The following USH2A variants were observed in gnomAD, a reference collection of about 807,000 sequenced individuals.
USH2A encodes the protein usherin, also known as Usher syndrome 2A (autosomal recessive, mild).
A neutral mutation model predicts 538.9 loss-of-function variants in USH2A; 443 were observed. That is an observed-to-expected ratio of 0.82 (90% CI 0.76 to 0.89). USH2A has a LOEUF of 0.89. Ranked by LOEUF, USH2A falls within the 40% of genes least tolerant of loss-of-function variation. The pLI, the probability that USH2A is intolerant of heterozygous loss-of-function variation, is 0.00. For synonymous variants in USH2A, 2,413 were observed against 2,273.5 expected, an observed-to-expected ratio of 1.06 and a Z score of -1.75; for missense variants, 6,633 against 6,324.8, an observed-to-expected ratio of 1.05 and a Z score of -1.65.
At chr1:216,029,429 TTAAC>T (rs573087735) in intron 32 of USH2A, among the ~76,000 whole-genome samples, 7 of 152,108 alleles carry the variant, frequency 4.6e-5, no homozygotes, top group Non-Finnish European at 7.4e-5. Flanking sequence ...CATAACTTGT[TTAAC>T]TAGTAGTCTA....
chr1:215,742,455 TATATC>T (rs1244744814), intron 59 of USH2A, among the ~76,000 whole-genome samples: 1 of 142,736 alleles, frequency 7.0e-6, no homozygotes, highest in Non-Finnish European at 1.5e-5. Context: ...GATATACACA[TATATC>T]ATGTTATATA....
intron 20 of USH2A, among the ~76,000 whole-genome samples, chr1:216,186,194 T>C (rs1488684945): frequency 3.3e-5 from 5 of 151,462 alleles, no homozygotes; most frequent in Non-Finnish European, 7.4e-5. Flanking sequence ...AGAATGAAAA[T>C]TGGGTAGAAG....
intron 69 of USH2A, 124 bp from the exon 70 acceptor site, chr1:215,634,827 G>C (rs2102630829): frequency 6.6e-7 from 1 of 1,522,352 alleles, no homozygotes; most frequent in Non-Finnish European, 9.0e-7. Context: ...GTCTCTTACT[G>C]CTTGTTTGCA....
intron 13 of USH2A, among the ~76,000 whole-genome samples, chr1:216,233,966 G>T (rs1454784206): frequency 2.0e-5 from 3 of 152,106 alleles, no homozygotes; most frequent in African/African-American, 4.8e-5. Context: ...TGAAACAATG[G>T]GGTAGAAGGA....
chr1:215,877,518 G>A (rs960689064), intron 43 of USH2A, among the ~76,000 whole-genome samples: 2 of 152,110 alleles, frequency 1.3e-5, no homozygotes, highest in African/African-American at 4.8e-5. Context: ...AATAGGTTAA[G>A]GCTTGAACAT....
At chr1:215,888,399 A>C in intron 41 of USH2A, 27 bp downstream of exon 41, 1 of 1,611,708 alleles carries the variant, frequency 6.2e-7, no homozygotes, top group Non-Finnish European at 8.5e-7. Flanking sequence ...TAAGTCTGCA[A>C]AGGAGAGAGA....
intron 38 of USH2A, among the ~76,000 whole-genome samples, chr1:215,922,321 G>C (rs1666120233): frequency 6.6e-6 from 1 of 152,110 alleles, no homozygotes. Context: ...TGGTGCCACA[G>C]GTAGAACTCA....
At chr1:215,686,216 G>C (rs4609401) in intron 61 of USH2A, among the ~76,000 whole-genome samples, 30,551 of 152,010 alleles carry the variant, frequency 0.2, 3,339 homozygotes, top group Non-Finnish European at 0.23. Flanking sequence ...TAATCTAATA[G>C]AGCAAATCAA....
intron 4 of USH2A, among the ~76,000 whole-genome samples, chr1:216,332,457 T>G (rs530302795): frequency 1.7e-3 from 254 of 152,224 alleles, no homozygotes; most frequent in African/African-American, 5.5e-3. Flanking sequence ...CCTGCGAATC[T>G]ACAAGATTAT....
At chr1:216,418,196 C>G (rs950564312) in intron 3 of USH2A, among the ~76,000 whole-genome samples, 2 of 151,848 alleles carry the variant, frequency 1.3e-5, no homozygotes, top group Non-Finnish European at 2.9e-5. Context: ...TCAAATGAGC[C>G]CTTACACATT....
intron 58 of USH2A, among the ~76,000 whole-genome samples, chr1:215,753,639 C>T (rs906616969): frequency 1.3e-5 from 2 of 151,332 alleles, no homozygotes; most frequent in Non-Finnish European, 2.9e-5. Context: ...GGAAGGGGAA[C>T]ATCACATACC....
At chr1:216,299,099 C>T (rs1464264609) in intron 9 of USH2A, among the ~76,000 whole-genome samples, 4 of 152,114 alleles carry the variant, frequency 2.6e-5, no homozygotes, top group Non-Finnish European at 5.9e-5. Context: ...GCCTCGGCCT[C>T]CCAAAGTGCT....
intron 32 of USH2A, among the ~76,000 whole-genome samples, chr1:216,036,805 T>A (rs557744748): frequency 0.014 from 2,061 of 152,226 alleles, 46 homozygotes; most frequent in African/African-American, 0.047. Context: ...CAATTGCCTG[T>A]AGATCAGAGG....
At chr1:216,167,785 C>T (rs924760419) in intron 21 of USH2A, among the ~76,000 whole-genome samples, 3 of 152,066 alleles carry the variant, frequency 2.0e-5, no homozygotes, top group Non-Finnish European at 2.9e-5. Context: ...TTGTCTTGGT[C>T]TCTTAATATG....
intron 3 of USH2A, among the ~76,000 whole-genome samples, chr1:216,374,495 T>A (rs1443649812): frequency 8.5e-5 from 13 of 152,200 alleles, no homozygotes; most frequent in Admixed American, 8.5e-4. Flanking sequence ...TGATGTTAAC[T>A]TTAATCATTT....
intron 32 of USH2A, among the ~76,000 whole-genome samples, chr1:216,020,561 T>C (rs149565386): frequency 6.6e-5 from 10 of 152,284 alleles, no homozygotes; most frequent in Middle Eastern, 3.4e-3. Context: ...TTCTGAGTGA[T>C]AAAGATGATA....
intron 54 of USH2A, among the ~76,000 whole-genome samples, chr1:215,780,530 C>T (rs1408203985): frequency 1.3e-5 from 2 of 152,232 alleles, no homozygotes; most frequent in Middle Eastern, 3.4e-3. Context: ...TCCCATGATA[C>T]CTAGGATGAC....
chr1:215,823,776 C>G (rs1268856845), intron 47 of USH2A, among the ~76,000 whole-genome samples: 1 of 151,806 alleles, frequency 6.6e-6, no homozygotes, highest in Non-Finnish European at 1.5e-5. Flanking sequence ...TAGCCTGTCT[C>G]AAGTTTGTTG....
intron 61 of USH2A, among the ~76,000 whole-genome samples, chr1:215,698,048 A>G (rs376261150): frequency 2.6e-5 from 4 of 151,418 alleles, no homozygotes; most frequent in African/African-American, 9.7e-5. Context: ...TCATTGTTCA[A>G]CTCCCACTTA....
Sources: gnomAD v4.1 joint callset for allele counts (sites outside exome capture counted in the v4.1 genomes callset) on GRCh38, gnomAD v4.1.1 for gene constraint, MANE v1.5 for transcripts, NCBI Gene and HGNC (gene_info 2026-07-23, HGNC 2026-07-21) for gene names.